Variants in CD300LG observed in about 807,000 individuals in gnomAD.
CD300LG encodes the protein CMRF35-like molecule 9.
CD300LG carries 29 observed loss-of-function variants against 31.5 expected under a neutral mutation model. The observed-to-expected ratio is 0.92, with a 90% CI of 0.68 to 1.25. The LOEUF is 1.25. Ranked by LOEUF, CD300LG falls within the 50% of genes most tolerant of loss-of-function variation. CD300LG has a pLI of 0.00. For synonymous variants in CD300LG, 175 were observed against 177.2 expected, an observed-to-expected ratio of 0.99 and a Z score of 0.10; for missense variants, 396 against 417.6, an observed-to-expected ratio of 0.95 and a Z score of 0.45.
chr17:43,858,608 G>A, intron 6 of CD300LG: 1 of 985,428 alleles, frequency 1.0e-6, no homozygotes, highest in Non-Finnish European at 1.2e-6. Flanking sequence ...GATGGAACAG[G>A]GCCTCCCAAG....
intron 6 of CD300LG, 177 bp downstream of exon 6, chr17:43,857,333 T>C: frequency 6.7e-7 from 1 of 1,490,876 alleles, no homozygotes; most frequent in East Asian, 2.5e-5. Flanking sequence ...CTTCAGGGTG[T>C]GAGCCGGACA....
chr17:43,851,815 A>T (rs1286478781), intron 2 of CD300LG, among the ~76,000 whole-genome samples: 2 of 151,888 alleles, frequency 1.3e-5, no homozygotes, highest in African/African-American at 4.8e-5. Flanking sequence ...TTGGCCTCCC[A>T]AGAGGATAGG....
chr17:43,854,161 C>A, intron 4 of CD300LG, 117 bp downstream of exon 4: 1 of 754,202 alleles, frequency 1.3e-6, no homozygotes, highest in Non-Finnish European at 2.2e-6. Context: ...TTGTCATGGC[C>A]ACAGCCTGCA....
intron 4 of CD300LG, among the ~76,000 whole-genome samples, 198 bp downstream of exon 4, chr17:43,854,242 G>A (rs1057405915): frequency 1.3e-5 from 2 of 152,216 alleles, no homozygotes; most frequent in Non-Finnish European, 2.9e-5. Context: ...CAGCTCTGCT[G>A]CCTGTCCAGT....
chr17:43,849,833 T>C (rs1009909128), intron 2 of CD300LG: 4 of 152,124 alleles, frequency 2.6e-5, no homozygotes, highest in Admixed American at 2.0e-4. Flanking sequence ...CCTACCACCA[T>C]AGCCCCTATT....
At chr17:43,861,538 C>G (rs2046653095) in intron 6 of CD300LG, among the ~76,000 whole-genome samples, 1 of 152,184 alleles carries the variant, frequency 6.6e-6, no homozygotes, top group African/African-American at 2.4e-5. Flanking sequence ...GCACTGCCCT[C>G]AAGGCCACAA....
intron 6 of CD300LG, chr17:43,861,328 A>T: frequency 1.0e-6 from 1 of 972,526 alleles, no homozygotes; most frequent in Non-Finnish European, 1.2e-6. Flanking sequence ...CAATTAGAGG[A>T]AGTGGAAGGA....
At position 43,853,968 on chromosome 17, in the gene CD300LG, C is replaced by A; in HGVS notation, c.643C>A (p.Arg215Ser). The A allele has an allele frequency of 6.2e-7, 1 of 1,614,142 alleles. No individual in the cohort carries two copies. Among genetic ancestry groups the A allele is most frequent in the Non-Finnish European group, 8.5e-7 (1 of 1,180,018 alleles). Reference protein sequence around the residue: ...PATSPPAGSSRPPMQLDSTSA... With the variant: ...PATSPPAGSSSPPMQLDSTSA... ...GACCTCTCCTCCTGCAGGGAGCTCC[C>A]GCCCCCCCATGCAGCTGGACTCCAC... The change falls in exon 4 of 7, where the codon CGC becomes AGC. Residue 215 changes from arginine to serine, a missense_variant. Arg to Ser is a moderately radical substitution (Grantham distance 110). Coordinates refer to ENST00000317310, the MANE Select transcript of CD300LG (RefSeq NM_145273.4).
chr17:43,854,367 A>G (rs12453611), intron 4 of CD300LG, among the ~76,000 whole-genome samples: 40,148 of 152,078 alleles, frequency 0.26, 7,431 homozygotes, highest in African/African-American at 0.52. Context: ...CCTGTGCCAA[A>G]CATGAAAACT....
chr17:43,857,329 G>A, intron 6 of CD300LG, 173 bp downstream of exon 6: 1 of 1,478,592 alleles, frequency 6.8e-7, no homozygotes, highest in Non-Finnish European at 9.1e-7. Context: ...AGCCCTTCAG[G>A]GTGTGAGCCG....
At chr17:43,849,300 T>G in intron 2 of CD300LG, 2 of 292,946 alleles carry the variant, frequency 6.8e-6, no homozygotes, top group Non-Finnish European at 6.4e-6. Flanking sequence ...CATTGCTGCA[T>G]TCCAGACCCA....
At position 43,848,846 on chromosome 17, in the gene CD300LG, A is replaced by G. The variant is rs1016739129; in HGVS notation, c.332A>G (p.Lys111Arg). 6.2e-7 allele frequency: 1 copy of G among 1,613,888 alleles called. No individual in the cohort carries two copies. The highest frequency in any genetic ancestry group is 8.5e-7 in the Non-Finnish European group (1 of 1,179,962). Residue 111 changes from lysine to arginine, a missense_variant, in exon 2 of 7, where the codon AAA (lysine) becomes AGA (arginine). Coordinates refer to ENST00000317310, the MANE Select transcript of CD300LG (RefSeq NM_145273.4). ...DAGEYWCGVE[K>R]RGPDESLLIS... ...GGGGAGTACTGGTGTGGGGTCGAAA[A>G]ACGGGGCCCCGATGAGTCTTTACTG...
At chr17:43,850,805 C>G (rs1345409526) in intron 2 of CD300LG, among the ~76,000 whole-genome samples, 3 of 152,106 alleles carry the variant, frequency 2.0e-5, no homozygotes, top group Non-Finnish European at 2.9e-5. Flanking sequence ...TTTTATTCAT[C>G]TTTGCCTGAA....
intron 6 of CD300LG, chr17:43,858,641 T>C: frequency 1.0e-6 from 1 of 985,446 alleles, no homozygotes; most frequent in South Asian, 4.7e-5. Context: ...AAGAACCCTG[T>C]AAACACGATC....
Position 43,861,875 on chromosome 17 carries a change from G to A in CD300LG, c.963G>A (p.Glu321=). ...CGATGCCTCCCCTCCACACATCTGA[G>A]GAGGAGCTGGGCTTCTCGAAGTTTG... ...VISMPPLHTS[E]EELGFSKFVS... is the part of the protein sequence containing the mutation. The change falls in exon 7 of 7, where the codon GAG becomes GAA. Residue 321 remains glutamate, a synonymous_variant. Coordinates refer to ENST00000317310, the MANE Select transcript of CD300LG (RefSeq NM_145273.4). 1 of 1,612,254 alleles carries A rather than the reference G, an allele frequency of 6.2e-7. No homozygotes were observed. Among genetic ancestry groups the A allele is most frequent in the Non-Finnish European group, 8.5e-7 (1 of 1,179,288 alleles).
chr17:43,850,041 C>T (rs2046303917), intron 2 of CD300LG: 1 of 152,260 alleles, frequency 6.6e-6, no homozygotes, highest in South Asian at 2.1e-4. Flanking sequence ...GGTTTACCCT[C>T]ATTTGTAATT....
intron 3 of CD300LG, 34 bp downstream of exon 3, chr17:43,853,047 C>T (rs1044037094): frequency 6.4e-7 from 1 of 1,567,848 alleles, no homozygotes; most frequent in Non-Finnish European, 8.7e-7. Context: ...CTTCCCTTGC[C>T]ACCCTTCTTA....
At chr17:43,849,355 C>T (rs1168368210) in intron 2 of CD300LG, 23 of 199,892 alleles carry the variant, frequency 1.2e-4, no homozygotes, top group Non-Finnish European at 1.0e-5. Context: ...CCTGCTTGTG[C>T]CCTCAACTCT....
At chr17:43,856,067 G>A (rs184713098) in intron 5 of CD300LG, among the ~76,000 whole-genome samples, 3 of 152,206 alleles carry the variant, frequency 2.0e-5, no homozygotes, top group Admixed American at 1.3e-4. Flanking sequence ...TCAGCCTCCC[G>A]AGTAACTAGG....
Sources: allele counts gnomAD v4.1 joint callset (sites outside exome capture counted in the v4.1 genomes callset), GRCh38; gene constraint gnomAD v4.1.1; transcripts MANE v1.5; gene names NCBI Gene and HGNC (gene_info 2026-07-23, HGNC 2026-07-21).